Variants in PGAP1 observed in about 807,000 individuals in gnomAD.
PGAP1 encodes the protein GPI inositol-deacylase.
A neutral mutation model predicts 127.0 loss-of-function variants in PGAP1; 76 were observed. The observed-to-expected ratio is 0.60, with a 90% CI of 0.50 to 0.72. The LOEUF is 0.72. Ranked by LOEUF, PGAP1 falls within the 30% of genes least tolerant of loss-of-function variation. The probability of loss-of-function intolerance (pLI) is 0.00; values close to 1 mark genes in which losing one functional copy is unlikely to be tolerated. For synonymous variants in PGAP1, 362 were observed against 366.5 expected (o/e 0.99, Z 0.14); for missense variants, 982 against 1,071.3 (o/e 0.92, Z 1.16).
At chr2:196,911,467 GA>G (rs1451681433) in intron 4 of PGAP1, among the ~76,000 whole-genome samples, 15 of 84,860 alleles carry the variant, frequency 1.8e-4, no homozygotes, top group Non-Finnish European at 3.0e-4. Context: ...GGGGTCGGGG[GA>G]GGGGGGAGGG....
intron 8 of PGAP1, 128 bp downstream of exon 8, chr2:196,893,012 A>G (rs1702152997): frequency 1.2e-5 from 5 of 416,606 alleles, no homozygotes; most frequent in Admixed American, 8.2e-5. Context: ...TAATATATGT[A>G]TATATATAAT....
chr2:196,880,726 A>C (rs1020512672), intron 12 of PGAP1, among the ~76,000 whole-genome samples: 1 of 152,176 alleles, frequency 6.6e-6, no homozygotes, highest in African/African-American at 2.4e-5. Context: ...AATGCACCTC[A>C]CCAAATAAGT....
chr2:196,897,577 G>A (rs1000057846), intron 6 of PGAP1, among the ~76,000 whole-genome samples: 2 of 152,102 alleles, frequency 1.3e-5, no homozygotes, highest in African/African-American at 4.8e-5. Flanking sequence ...AACACAATGA[G>A]ATAAATATAT....
At chr2:196,915,710 C>T (rs1169914958) in intron 3 of PGAP1, among the ~76,000 whole-genome samples, 1 of 152,212 alleles carries the variant, frequency 6.6e-6, no homozygotes, top group South Asian at 2.1e-4. Context: ...ACCACTATGT[C>T]TTGAACACAC....
intron 2 of PGAP1, among the ~76,000 whole-genome samples, chr2:196,919,604 G>A (rs1344813292): frequency 1.3e-5 from 2 of 152,012 alleles, no homozygotes; most frequent in South Asian, 2.1e-4. Flanking sequence ...AGAAGAAAAC[G>A]AATCTCTCTT....
At chr2:196,900,629 A>C (rs1276801364) in intron 5 of PGAP1, among the ~76,000 whole-genome samples, 1 of 152,180 alleles carries the variant, frequency 6.6e-6, no homozygotes, top group Non-Finnish European at 1.5e-5. Flanking sequence ...GCTCCCTTGA[A>C]AGCAACACAT....
chr2:196,926,379 G>A (rs1398427800), intron 1 of PGAP1, 91 bp downstream of exon 1: 1 of 1,574,624 alleles, frequency 6.4e-7, no homozygotes. Context: ...GAGAGGCGCA[G>A]AGAGCCAAGG....
intron 23 of PGAP1, among the ~76,000 whole-genome samples, chr2:196,844,918 G>A (rs1041095086): frequency 1.3e-5 from 2 of 151,974 alleles, no homozygotes; most frequent in East Asian, 1.9e-4. Context: ...GCAACTTAAA[G>A]TGTCTTGTAA....
intron 5 of PGAP1, among the ~76,000 whole-genome samples, chr2:196,899,879 T>A (rs1403860385): frequency 2.6e-5 from 4 of 151,996 alleles, no homozygotes; most frequent in East Asian, 1.9e-4. Flanking sequence ...ACTAAAAAAA[T>A]TTCAAAAAAT....
intron 19 of PGAP1, among the ~76,000 whole-genome samples, chr2:196,867,214 CAA>C (rs1025957346): frequency 6.6e-6 from 1 of 152,080 alleles, no homozygotes; most frequent in Non-Finnish European, 1.5e-5. Context: ...TTCACAATAG[CAA>C]AGACTTGGAA....
chr2:196,916,302 C>A (rs756071550), intron 3 of PGAP1, 116 bp downstream of exon 3: 8 of 964,136 alleles, frequency 8.3e-6, no homozygotes, highest in Non-Finnish European at 1.1e-5. Context: ...AAAATTTGTG[C>A]CTTCTCTGCT....
chr2:196,922,008 A>G, intron 1 of PGAP1: 1 of 406,490 alleles, frequency 2.5e-6, no homozygotes, highest in Non-Finnish European at 3.6e-6. Flanking sequence ...ATATAAAAGG[A>G]AAATACTTAC....
At chr2:196,866,728 A>G (rs1399497467) in intron 19 of PGAP1, among the ~76,000 whole-genome samples, 1 of 152,204 alleles carries the variant, frequency 6.6e-6, no homozygotes, top group African/African-American at 2.4e-5. Context: ...TTCATATGAC[A>G]AAGGGCTAAC....
At chr2:196,888,298 AGACT>A (rs144880104) in intron 10 of PGAP1, among the ~76,000 whole-genome samples, 1,543 of 152,322 alleles carry the variant, frequency 0.01, 23 homozygotes, top group African/African-American at 0.035. Flanking sequence ...ATCAAGTGAA[AGACT>A]GACTGGGCAC....
Position 196,892,347 on chromosome 2 carries a change from T to A in PGAP1, c.1088A>T (p.Asn363Ile). Residue 363 changes from asparagine to isoleucine, a missense_variant and splice_region_variant, in exon 9 of 27, where the codon AAC becomes ATC. Physicochemically the swap from Asn to Ile is moderately radical, Grantham distance 149. Coordinates refer to ENST00000354764, the MANE Select transcript of PGAP1 (RefSeq NM_024989.4). ...KVSKWTYVAY[N>I]ESEKIYFTFP... ...AAAATCCATTGGTGGAATACTTACG[T>A]TGTAAGCTACATAGGTCCATTTGGA... 7.1e-7 allele frequency: 1 copy of A among 1,416,448 alleles called. No homozygotes were observed. The allele number at this position is 1,416,448 out of a possible 1,614,324, so 87.7% of individuals were successfully genotyped here.
chr2:196,893,985 T>C (rs1559359099), intron 7 of PGAP1, among the ~76,000 whole-genome samples: 1 of 152,220 alleles, frequency 6.6e-6, no homozygotes, highest in Non-Finnish European at 1.5e-5. Flanking sequence ...GATCCAGGTC[T>C]ACTAAACCTT....
Position 196,837,480 on chromosome 2 carries a change from T to C in PGAP1, c.*3754A>G, listed in dbSNP as rs1169830934. On this transcript the variant is annotated 3_prime_UTR_variant, in exon 27 of 27. Transcript: ENST00000354764. The stretch of plus-strand genomic sequence containing the variant: ...TCGTCTCTACAAAAAAATTAAAAAG[T>C]CAGGCACAGTGGCATGTACCTGTAG... 1 of 152,016 alleles carries C rather than the reference T, an allele frequency of 6.6e-6. No homozygotes were observed. Among genetic ancestry groups the C allele is most frequent in the Admixed American group, 6.6e-5 (1 of 15,250 alleles). 9.4% of individuals were successfully genotyped at this position (152,016 alleles called of 1,614,324 possible). A position where few individuals can be genotyped will look rare whatever the true frequency, so the allele number is the denominator to read the frequency against.
At chr2:196,871,164 T>C (rs1701398397) in intron 18 of PGAP1, among the ~76,000 whole-genome samples, 185 bp from the exon 19 acceptor site, 1 of 152,084 alleles carries the variant, frequency 6.6e-6, no homozygotes, top group South Asian at 2.1e-4. Context: ...TAAAGTAGAG[T>C]GTTACTGTTT....
At chr2:196,852,426 A>G (rs1426349936) in intron 20 of PGAP1, among the ~76,000 whole-genome samples, 1 of 152,090 alleles carries the variant, frequency 6.6e-6, no homozygotes, top group African/African-American at 2.4e-5. Context: ...AATAAGTGAC[A>G]GTTCAAATTA....
Sources: gnomAD v4.1 joint callset for allele counts (sites outside exome capture counted in the v4.1 genomes callset) on GRCh38, gnomAD v4.1.1 for gene constraint, MANE v1.5 for transcripts, NCBI Gene and HGNC (gene_info 2026-07-23, HGNC 2026-07-21) for gene names.